Variants in NXNL2 observed in about 807,000 individuals in gnomAD.
NXNL2 encodes the protein nucleoredoxin-like protein 2.
In NXNL2, 7 loss-of-function variants were observed where a neutral mutation model predicts 11.1. The observed-to-expected ratio is 0.63, with a 90% CI of 0.36 to 1.18. The LOEUF (loss-of-function observed/expected upper bound fraction) is 1.18. Ranked by LOEUF, NXNL2 falls within the 50% of genes most tolerant of loss-of-function variation. The pLI is 0.02. For synonymous variants in NXNL2, 109 were observed against 101.8 expected, an observed-to-expected ratio of 1.07 and a Z score of -0.42; for missense variants, 233 against 217.7, an observed-to-expected ratio of 1.07 and a Z score of -0.44.
At chr9:88,579,700 G>T (rs28546153), downstream of NXNL2, among the ~76,000 whole-genome samples, 14,813 of 152,110 alleles carry the variant, frequency 0.097, 2,349 homozygotes, top group African/African-American at 0.33. Flanking sequence ...TTATGACTGC[G>T]AGTCAAGGGA....
At chr9:88,541,958 C>T (rs1316187753) in intron 1 of NXNL2, among the ~76,000 whole-genome samples, 2 of 152,036 alleles carry the variant, frequency 1.3e-5, no homozygotes, top group Non-Finnish European at 2.9e-5. Flanking sequence ...TGGCTGAGCA[C>T]AGTGGCTCAT....
chr9:88,561,370 A>G (rs1830083310), intron 1 of NXNL2, among the ~76,000 whole-genome samples: 2 of 152,194 alleles, frequency 1.3e-5, no homozygotes, highest in Middle Eastern at 6.8e-3. Context: ...TGATTGTGTA[A>G]TCTTGTGATT....
At chr9:88,571,802 G>A (rs1308562506) in intron 2 of NXNL2, among the ~76,000 whole-genome samples, 2 of 152,154 alleles carry the variant, frequency 1.3e-5, no homozygotes, top group Admixed American at 6.5e-5. Flanking sequence ...TGGGCAAGAC[G>A]GGGGTTCAGG....
At chr9:88,568,959 C>G (rs1830219898) in intron 1 of NXNL2, among the ~76,000 whole-genome samples, 1 of 152,002 alleles carries the variant, frequency 6.6e-6, no homozygotes, top group Non-Finnish European at 1.5e-5. Flanking sequence ...GACAACGCCT[C>G]ACTCTCACCC....
At chr9:88,539,053 C>T (rs1475596772) in intron 1 of NXNL2, among the ~76,000 whole-genome samples, 2 of 152,190 alleles carry the variant, frequency 1.3e-5, no homozygotes, top group Non-Finnish European at 2.9e-5. Context: ...GCCTCCTCTC[C>T]GCTTGCTGTC....
chr9:88,539,404 C>A (rs1031369849), intron 1 of NXNL2, among the ~76,000 whole-genome samples: 1 of 147,388 alleles, frequency 6.8e-6, no homozygotes, highest in Admixed American at 6.8e-5. Context: ...TCACGACCCA[C>A]CAGCAGCCCT....
At chr9:88,540,133 C>G (rs1323978205) in intron 1 of NXNL2, among the ~76,000 whole-genome samples, 1 of 151,898 alleles carries the variant, frequency 6.6e-6, no homozygotes, top group African/African-American at 2.4e-5. Context: ...GAGATCGAAA[C>G]CATCCTGGCT....
downstream of NXNL2, among the ~76,000 whole-genome samples, chr9:88,546,326 G>A (rs1436300637): frequency 6.6e-6 from 1 of 152,088 alleles, no homozygotes; most frequent in African/African-American, 2.4e-5. Flanking sequence ...CCTCGGCTGG[G>A]CTGGCCCTGT....
intron 1 of NXNL2, among the ~76,000 whole-genome samples, chr9:88,583,732 G>T (rs1469003632): frequency 3.9e-5 from 6 of 152,226 alleles, no homozygotes; most frequent in African/African-American, 1.2e-4. Context: ...GACAAGGTCT[G>T]TAGAATGCAA....
chr9:88,579,438 C>G (rs975875388), downstream of NXNL2, among the ~76,000 whole-genome samples: 3 of 152,180 alleles, frequency 2.0e-5, no homozygotes, highest in Admixed American at 6.5e-5. Context: ...GGGACAGACT[C>G]CCTCCTGGCA....
At chr9:88,562,452 A>T (rs901074928) in intron 1 of NXNL2, among the ~76,000 whole-genome samples, 1 of 152,188 alleles carries the variant, frequency 6.6e-6, no homozygotes, top group African/African-American at 2.4e-5. Flanking sequence ...AAAGAAAGAA[A>T]GAAAAGCAAT....
chr9:88,536,969 C>A (rs140242331), intron 1 of NXNL2, among the ~76,000 whole-genome samples: 1 of 152,300 alleles, frequency 6.6e-6, no homozygotes, highest in East Asian at 1.9e-4. Context: ...TTGTTTAGTA[C>A]TCAAGTTATT....
At chr9:88,537,737 A>G (rs1829659806) in intron 1 of NXNL2, among the ~76,000 whole-genome samples, 1 of 152,148 alleles carries the variant, frequency 6.6e-6, no homozygotes, top group Admixed American at 6.5e-5. Context: ...CTGAGTTTCC[A>G]TTGCCCACAG....
At chr9:88,575,715 T>A (rs1830340720) in exon 3 of NXNL2, 1 of 152,228 alleles carries the variant, frequency 6.6e-6, no homozygotes, top group Admixed American at 6.5e-5. Flanking sequence ...CTACTGTCAA[T>A]AATCATTTAA....
At chr9:88,581,662 G>A (rs576970287) in intron 1 of NXNL2, among the ~76,000 whole-genome samples, 1 of 152,212 alleles carries the variant, frequency 6.6e-6, no homozygotes, top group Admixed American at 6.5e-5. Context: ...CTCCATGTTC[G>A]TCAGGCTGGT....
At chr9:88,567,345 G>A (rs1830191459) in intron 1 of NXNL2, among the ~76,000 whole-genome samples, 1 of 152,080 alleles carries the variant, frequency 6.6e-6, no homozygotes, top group South Asian at 2.1e-4. Flanking sequence ...CACCATGTTG[G>A]CCAGCCTTGT....
chr9:88,566,019 TGA>T (rs748930351), intron 1 of NXNL2, among the ~76,000 whole-genome samples: 1 of 152,222 alleles, frequency 6.6e-6, no homozygotes, highest in East Asian at 1.9e-4. Context: ...CATTTTTAAT[TGA>T]GTTATTAATT....
downstream of NXNL2, among the ~76,000 whole-genome samples, chr9:88,546,056 C>T (rs1354566741): frequency 6.6e-5 from 10 of 152,092 alleles, no homozygotes; most frequent in East Asian, 1.9e-4. Context: ...CATGAGCCAC[C>T]GTGCCCGGCC....
At chr9:88,582,652 C>G (rs1034241201) in intron 1 of NXNL2, among the ~76,000 whole-genome samples, 1 of 150,404 alleles carries the variant, frequency 6.6e-6, no homozygotes. Flanking sequence ...CCCTCCCTCC[C>G]TCTCTCTCTT....
Sources: allele counts gnomAD v4.1 joint callset (sites outside exome capture counted in the v4.1 genomes callset), GRCh38; gene constraint gnomAD v4.1.1; transcripts MANE v1.5; gene names NCBI Gene and HGNC (gene_info 2026-07-23, HGNC 2026-07-21).